LRRTM4: variants seen among roughly 807,000 people sequenced by gnomAD.
The protein encoded by LRRTM4 is leucine-rich repeat transmembrane neuronal protein 4.
Under a neutral mutation model 47.6 loss-of-function variants are expected in LRRTM4, and 25 were observed. The observed-to-expected ratio is 0.53, with a 90% CI of 0.38 to 0.73. LRRTM4 has a LOEUF of 0.73. LRRTM4 is among the 30% of genes least tolerant of loss of function. The pLI is 0.00. For synonymous variants in LRRTM4, 311 were observed against 269.5 expected (o/e 1.15, Z -1.51); for missense variants, 638 against 713.4 (o/e 0.89, Z 1.20).
At chr2:76,891,761 A>C (rs1673262326) in intron 3 of LRRTM4, among the ~76,000 whole-genome samples, 1 of 151,802 alleles carries the variant, frequency 6.6e-6, no homozygotes, top group Non-Finnish European at 1.5e-5. Context: ...CCATATAAGT[A>C]CTAGAGGAAA....
intron 3 of LRRTM4, among the ~76,000 whole-genome samples, chr2:76,966,946 T>G: frequency 6.6e-6 from 1 of 151,492 alleles, no homozygotes; most frequent in Non-Finnish European, 1.5e-5. Context: ...CCTCTCAATT[T>G]TTATTCTCGC....
intron 3 of LRRTM4, among the ~76,000 whole-genome samples, chr2:76,917,301 C>T (rs780880983): frequency 1.3e-5 from 2 of 152,150 alleles, no homozygotes; most frequent in Non-Finnish European, 2.9e-5. Flanking sequence ...ACAAAGTTCA[C>T]AGAACTCTCT....
intron 3 of LRRTM4, among the ~76,000 whole-genome samples, chr2:76,835,817 A>AAC (rs1671494346): frequency 6.6e-6 from 1 of 152,124 alleles, no homozygotes; most frequent in Admixed American, 6.6e-5. Context: ...CAAGAAAAAT[A>AAC]AGTTTCACTG....
At position 77,491,094 on chromosome 2, in the gene LRRTM4, G is replaced by GAA. The variant is rs1468365264; in HGVS notation, c.1551+27222_1551+27223dup. Among the ~76,000 whole-genome samples the GAA allele has an allele frequency of 8.7e-4, 132 of 151,600 alleles. 1 individual carries two copies. The highest frequency in any genetic ancestry group is 8.5e-3 in the Admixed American group (129 of 15,252). ...AGAGAAGATCAGAAAGAGAGAGAGAGAAACAGACAGAGAGAGAGAAGATAT... is the reference window on the plus strand; with the variant it reads ...AGAGAAGATCAGAAAGAGAGAGAGAGAAAAACAGACAGAGAGAGAGAAGATAT... On this transcript the variant is annotated intron_variant, in intron 3 of 3. Transcript: ENST00000409884.
At chr2:77,412,662 G>A (rs1017128538) in intron 3 of LRRTM4, among the ~76,000 whole-genome samples, 2 of 152,132 alleles carry the variant, frequency 1.3e-5, no homozygotes, top group Admixed American at 6.5e-5. Context: ...AGAGTATTAA[G>A]AGGGAAAGTG....
intron 3 of LRRTM4, among the ~76,000 whole-genome samples, chr2:77,094,504 A>T (rs1670753018): frequency 6.6e-6 from 1 of 152,172 alleles, no homozygotes; most frequent in Admixed American, 6.5e-5. Flanking sequence ...AGCAGAGAGT[A>T]TAACACTCCC....
At chr2:77,445,298 CAT>C (rs1218535665) in intron 3 of LRRTM4, among the ~76,000 whole-genome samples, 5 of 151,814 alleles carry the variant, frequency 3.3e-5, no homozygotes, top group Admixed American at 6.6e-5. Context: ...TGAATCAACA[CAT>C]GTGGCATATT....
At chr2:77,251,861 T>C (rs1362264955) in intron 3 of LRRTM4, among the ~76,000 whole-genome samples, 1 of 152,168 alleles carries the variant, frequency 6.6e-6, no homozygotes, top group Non-Finnish European at 1.5e-5. Context: ...CAGGAATTTG[T>C]CTTCCTGAGA....
intron 3 of LRRTM4, among the ~76,000 whole-genome samples, chr2:77,371,825 C>T (rs897591911): frequency 2.6e-5 from 4 of 151,664 alleles, no homozygotes; most frequent in South Asian, 4.1e-4. Context: ...ATGTGCTCCA[C>T]GGTAAATGGT....
At position 77,172,802 on chromosome 2, in the gene LRRTM4, C is replaced by T. The variant is rs138708472; in HGVS notation, c.1551+345516G>A. ...TCTAATCTACCTTAGTCATAATCCC[C>T]CTGTGATGTATCACTGAGAATAAGT... On this transcript the variant is annotated intron_variant, in intron 3 of 3. Transcript: ENST00000409884. Among the ~76,000 whole-genome samples the T allele has an allele frequency of 2.0e-3, 308 of 152,182 alleles. 3 individuals are homozygous for T. The highest frequency in any genetic ancestry group is 6.9e-3 in the African/African-American group (288 of 41,506).
intron 3 of LRRTM4, among the ~76,000 whole-genome samples, chr2:77,458,555 A>G (rs1284044868): frequency 6.6e-6 from 1 of 151,974 alleles, no homozygotes; most frequent in African/African-American, 2.4e-5. Flanking sequence ...GGGAATAATG[A>G]AATCCATTTG....
At chr2:76,918,057 T>C (rs1674313919) in intron 3 of LRRTM4, among the ~76,000 whole-genome samples, 2 of 152,202 alleles carry the variant, frequency 1.3e-5, no homozygotes, top group African/African-American at 4.8e-5. Context: ...CACCATTTGA[T>C]ATTTTAAGGT....
chr2:77,176,139 TG>T (rs141037834), intron 3 of LRRTM4, among the ~76,000 whole-genome samples: 1,530 of 152,252 alleles, frequency 0.01, 30 homozygotes, highest in African/African-American at 0.035. Flanking sequence ...TAGGGATGTT[TG>T]TGTGAATAAA....
chr2:77,521,574 G>A, intron 2 of LRRTM4, 94 bp downstream of exon 2: 2 of 1,460,664 alleles, frequency 1.4e-6, no homozygotes, highest in Non-Finnish European at 1.9e-6. Context: ...CTCTTTGCCT[G>A]TTTCCCCGTC....
chr2:76,810,998 A>T (rs957371120), intron 3 of LRRTM4, among the ~76,000 whole-genome samples: 2 of 152,330 alleles, frequency 1.3e-5, no homozygotes, highest in South Asian at 4.1e-4. Context: ...AGATTCACTG[A>T]AAACAAATCA....
intron 3 of LRRTM4, among the ~76,000 whole-genome samples, chr2:77,411,074 T>C (rs533311521): frequency 1.1e-3 from 165 of 152,286 alleles, no homozygotes; most frequent in South Asian, 2.7e-3. Flanking sequence ...GTTAGCATTA[T>C]AAAATGCTAC....
intron 3 of LRRTM4, among the ~76,000 whole-genome samples, chr2:77,368,012 T>C (rs1277683419): frequency 2.0e-5 from 3 of 151,802 alleles, no homozygotes; most frequent in Non-Finnish European, 4.4e-5. Context: ...ACATTGTTGT[T>C]CTATAATCTG....
intron 3 of LRRTM4, among the ~76,000 whole-genome samples, chr2:77,223,087 A>G (rs1414351023): frequency 1.3e-5 from 2 of 152,220 alleles, no homozygotes; most frequent in South Asian, 2.1e-4. Context: ...CAGCATATCA[A>G]CAGAACCAAA....
At chr2:77,166,290 G>A (rs987328778) in intron 3 of LRRTM4, among the ~76,000 whole-genome samples, 2 of 152,082 alleles carry the variant, frequency 1.3e-5, no homozygotes, top group Non-Finnish European at 2.9e-5. Context: ...GAAAACCACT[G>A]CTCAATGAAA....
Sources: gnomAD v4.1 joint callset for allele counts (sites outside exome capture counted in the v4.1 genomes callset) on GRCh38, gnomAD v4.1.1 for gene constraint, MANE v1.5 for transcripts, NCBI Gene and HGNC (gene_info 2026-07-23, HGNC 2026-07-21) for gene names.